The following SETMAR variants were observed in gnomAD, a reference collection of about 807,000 sequenced individuals.
SETMAR encodes the protein SET and mariner transposase domain methyltransferase, also known as histone-lysine N-methyltransferase SETMAR.
SETMAR carries 44 observed loss-of-function variants against 58.4 expected under a neutral mutation model. That is an observed-to-expected ratio of 0.75 (90% CI 0.59 to 0.97). The LOEUF (loss-of-function observed/expected upper bound fraction) is 0.97, where lower values mean the gene tolerates loss of function less well. SETMAR is among the 50% of genes least tolerant of loss of function. SETMAR has a pLI of 0.00. For missense variants in SETMAR, 903 were observed against 840.2 expected, an observed-to-expected ratio of 1.07 and a Z score of -0.92; for synonymous variants, 332 against 307.4, an observed-to-expected ratio of 1.08 and a Z score of -0.84.
chr3:4,308,794 C>G (rs189193630), intron 1 of SETMAR, among the ~76,000 whole-genome samples: 128 of 152,330 alleles, frequency 8.4e-4, no homozygotes, highest in African/African-American at 2.5e-3. Flanking sequence ...TTGAAGACAT[C>G]TTTGTTCATT....
At chr3:4,309,719 T>C (rs893997923) in intron 1 of SETMAR, among the ~76,000 whole-genome samples, 2 of 152,184 alleles carry the variant, frequency 1.3e-5, no homozygotes, top group African/African-American at 2.4e-5. Context: ...AGGCAAACAC[T>C]ACAGTTGAAT....
intron 1 of SETMAR, chr3:4,304,004 C>CT (rs1446523657): frequency 2.4e-6 from 1 of 422,200 alleles, no homozygotes. Flanking sequence ...GTGGCTCAGC[C>CT]TTAGAGTCTT....
At chr3:4,307,454 A>G (rs1447220432) in intron 1 of SETMAR, among the ~76,000 whole-genome samples, 1 of 152,200 alleles carries the variant, frequency 6.6e-6, no homozygotes, top group Admixed American at 6.5e-5. Context: ...GAGCCCTACA[A>G]TCTGTGTCAT....
intron 2 of SETMAR, among the ~76,000 whole-genome samples, chr3:4,315,105 C>T (rs1445309770): frequency 2.6e-5 from 4 of 152,138 alleles, no homozygotes; most frequent in Non-Finnish European, 4.4e-5. Flanking sequence ...CTAGAGTACA[C>T]ATAAAATGCC....
In SETMAR at chr3:4,316,850, C is replaced by T; in HGVS notation, c.1659C>T (p.Thr553=). ...IHYSFLNPGE[T]ITSEKYAQEI... The stretch of plus-strand genomic sequence containing the variant: ...ACAGCTTTCTGAATCCCGGTGAAAC[C>T]ATTACATCTGAGAAGTATGCTCAGG... The change falls in exon 3 of 3, where the codon ACC becomes ACT. Residue 553 remains threonine (T), a synonymous_variant. Coordinates refer to ENST00000358065, the MANE Select transcript of SETMAR (RefSeq NM_006515.4). 1 of 1,549,934 alleles carries T rather than the reference C, an allele frequency of 6.5e-7. No individual in the cohort carries two copies. The highest frequency in any genetic ancestry group is 2.0e-4 in the Middle Eastern group (1 of 5,008).
intron 1 of SETMAR, among the ~76,000 whole-genome samples, 164 bp from the exon 2 acceptor site, chr3:4,312,734 A>G (rs111284036): frequency 0.012 from 1,806 of 149,982 alleles, 20 homozygotes; most frequent in African/African-American, 0.037. Context: ...TGTTTTATTG[A>G]AGAGAGATGT....
At chr3:4,305,881 A>G (rs974453130) in intron 1 of SETMAR, among the ~76,000 whole-genome samples, 1 of 152,220 alleles carries the variant, frequency 6.6e-6, no homozygotes, top group Non-Finnish European at 1.5e-5. Context: ...TTGGCAATTT[A>G]TAGTTAATAA....
chr3:4,313,605 C>T lies in SETMAR; in HGVS notation c.864C>T (p.Tyr288=). The change falls in exon 2 of 3, where the codon TAC becomes TAT. Residue 288 remains tyrosine (Y), a synonymous_variant. Transcript: ENST00000358065. ...ATGGGAAACTAAGGAAACCTTGTTA[C>T]TGTGGTGCCAAATCATGTACTGCTT... is the stretch of plus-strand genomic sequence containing the variant. ...LDHGKLRKPC[Y]CGAKSCTAFL... 2 of 1,614,082 alleles carry T rather than the reference C, an allele frequency of 1.2e-6. No individual in the cohort carries two copies. The highest frequency in any genetic ancestry group is 1.7e-6 in the Non-Finnish European group (2 of 1,179,970).
At position 4,313,053 on chromosome 3, in the gene SETMAR, T is replaced by C; in HGVS notation, c.312T>C (p.Asp104=). The change falls in exon 2 of 3, where the codon GAT becomes GAC. Residue 104 remains aspartate, a synonymous_variant. Transcript: ENST00000358065. ...ENYDDNSCLR[D]IGSGGKYAEP... ...ATGATGATAACTCATGCCTTAGAGA[T>C]ATAGGATCTGGAGGAAAGTATGCAG... The C allele has an allele frequency of 6.2e-7, 1 of 1,613,910 alleles. No individual in the cohort carries two copies. The highest frequency in any genetic ancestry group is 1.1e-5 in the South Asian group (1 of 91,078).
rs2125110236 is a variant in SETMAR at position 4,316,895 on chromosome 3, A to G, written c.1704A>G (p.Gln568=). The change falls in exon 3 of 3, where the codon CAA becomes CAG. Residue 568 remains glutamine (Q), a synonymous_variant. Coordinates refer to ENST00000358065, the MANE Select transcript of SETMAR (RefSeq NM_006515.4). ...KYAQEIDEMN[Q]KLQRLQLALV... is the part of the protein sequence containing the mutation. ...CTCAGGAAATCGATGAGATGAACCA[A>G]AAACTGCAACGCCTGCAGCTGGCAT... 1 of 1,549,410 alleles carries G rather than the reference A, an allele frequency of 6.5e-7. No individual in the cohort carries two copies.
rs73807002 is a variant in SETMAR, at chr3:4,312,894, A to C, written c.157-4A>C. On this transcript the variant is annotated splice_region_variant and splice_polypyrimidine_tract_variant and intron_variant, in intron 1 of 2. Coordinates refer to ENST00000358065, the MANE Select transcript of SETMAR (RefSeq NM_006515.4). ...CTGACTTACAGTGTGTATATTTTTT[A>C]CAGTACACTCCTGATCATGTAGTTG... The C allele has an allele frequency of 5.0e-6, 8 of 1,600,532 alleles. No individual in the cohort carries two copies. The highest frequency in any genetic ancestry group is 6.8e-6 in the Non-Finnish European group (8 of 1,173,910).
intron 1 of SETMAR, among the ~76,000 whole-genome samples, chr3:4,310,004 A>G (rs1268274116): frequency 6.6e-6 from 1 of 152,244 alleles, no homozygotes; most frequent in African/African-American, 2.4e-5. Flanking sequence ...ATAATGCCCT[A>G]TCACTCCTAG....
intron 2 of SETMAR, among the ~76,000 whole-genome samples, chr3:4,315,726 C>A (rs1698610173): frequency 6.6e-6 from 1 of 152,038 alleles, no homozygotes; most frequent in Non-Finnish European, 1.5e-5. Context: ...GATAAAATAA[C>A]ATTTTTATAA....
chr3:4,305,096 GT>G (rs896215929), intron 1 of SETMAR, among the ~76,000 whole-genome samples: 50 of 151,702 alleles, frequency 3.3e-4, no homozygotes, highest in Non-Finnish European at 4.1e-4. Flanking sequence ...AAGATAAAGG[GT>G]TTTTTTTTGA....
At chr3:4,306,719 T>G (rs547130563) in intron 1 of SETMAR, among the ~76,000 whole-genome samples, 1 of 152,378 alleles carries the variant, frequency 6.6e-6, no homozygotes, top group African/African-American at 2.4e-5. Context: ...CAAAACAGCT[T>G]GCTTGCTCCA....
chr3:4,315,413 G>T (rs552431044), intron 2 of SETMAR, among the ~76,000 whole-genome samples: 4 of 152,230 alleles, frequency 2.6e-5, no homozygotes, highest in Admixed American at 2.6e-4. Flanking sequence ...ATTCCCAGAG[G>T]ACAATCTTCC....
intron 1 of SETMAR, among the ~76,000 whole-genome samples, chr3:4,310,663 G>A (rs1698369048): frequency 6.6e-6 from 1 of 152,102 alleles, no homozygotes; most frequent in Non-Finnish European, 1.5e-5. Flanking sequence ...TATATCATGA[G>A]ATTCTTCAAA....
chr3:4,304,427 C>T lies in SETMAR; in HGVS notation c.156+901C>T, dbSNP rs528570607. ...AAAATGCTGGGATTACAGGCATGAG[C>T]CACGCTCCCAGCCTCTACTGACTTT... On this transcript the variant is annotated intron_variant, in intron 1 of 2. Transcript: ENST00000358065. 2.0e-5 allele frequency among the ~76,000 whole-genome samples: 3 copies of T among 152,340 alleles called. No homozygotes were observed. The East Asian group carries it at 5.8e-4, about 29-fold the overall frequency.
At chr3:4,307,526 T>C (rs183307284) in intron 1 of SETMAR, among the ~76,000 whole-genome samples, 4 of 152,288 alleles carry the variant, frequency 2.6e-5, no homozygotes, top group African/African-American at 9.6e-5. Flanking sequence ...AAGAAAGAAA[T>C]TGTTGCAGAC....
Sources: allele counts gnomAD v4.1 joint callset (sites outside exome capture counted in the v4.1 genomes callset), GRCh38; gene constraint gnomAD v4.1.1; transcripts MANE v1.5; gene names NCBI Gene and HGNC (gene_info 2026-07-23, HGNC 2026-07-21).